RBL1: variants seen among roughly 807,000 people sequenced by gnomAD.
RBL1 encodes retinoblastoma-like protein 1.
A neutral mutation model predicts 123.0 loss-of-function variants in RBL1; 82 were observed. That is an observed-to-expected ratio of 0.67 (90% CI 0.56 to 0.80). RBL1 has a LOEUF of 0.80. RBL1 is among the 30% of genes least tolerant of loss of function. RBL1 has a pLI of 0.00. For synonymous variants in RBL1, 405 were observed against 441.3 expected, an observed-to-expected ratio of 0.92 and a Z score of 1.03; for missense variants, 1,171 against 1,299.6, an observed-to-expected ratio of 0.90 and a Z score of 1.52.
At chr20:37,045,324 T>C (rs1310539533) in intron 12 of RBL1, among the ~76,000 whole-genome samples, 1 of 151,952 alleles carries the variant, frequency 6.6e-6, no homozygotes, top group Non-Finnish European at 1.5e-5. Context: ...GCCAGGATGG[T>C]CTCAATCTCC....
chr20:37,050,316 G>A (rs1383106932), intron 11 of RBL1, among the ~76,000 whole-genome samples: 2 of 151,788 alleles, frequency 1.3e-5, no homozygotes, highest in Admixed American at 6.6e-5. Context: ...GGCCGAGACG[G>A]GCAGATCACA....
chr20:37,060,173 AAAATAAATAAAT>A (rs11473427), intron 9 of RBL1, among the ~76,000 whole-genome samples: 39 of 146,398 alleles, frequency 2.7e-4, no homozygotes, highest in Middle Eastern at 3.4e-3. Context: ...ACTCTGTCTC[AAAATAAATAAAT>A]AAATAAATAA....
chr20:37,089,151 A>C, intron 1 of RBL1, 29 bp from the exon 2 acceptor site: 1 of 1,560,112 alleles, frequency 6.4e-7, no homozygotes. Context: ...ACAGCAAAAC[A>C]GGTATAATAT....
In RBL1 at chr20:37,008,959, T is replaced by C. The variant is rs1315268966; in HGVS notation, c.2723-1400A>G. Among the ~76,000 whole-genome samples, 4 of 152,184 alleles carry C rather than the reference T, an allele frequency of 2.6e-5. No individual in the cohort carries two copies. The East Asian group carries it at 7.7e-4, about 29-fold the overall frequency. Reference sequence around the variant, plus strand: ...AAGTACTGCAGTTGGGGAAAAAAAATAACTCTCATGTTCACTTTAATTCCA... The same window carrying C: ...AAGTACTGCAGTTGGGGAAAAAAAACAACTCTCATGTTCACTTTAATTCCA... On this transcript the variant is annotated intron_variant, in intron 19 of 21. Coordinates refer to ENST00000373664, the MANE Select transcript of RBL1 (RefSeq NM_002895.5).
intron 19 of RBL1, among the ~76,000 whole-genome samples, chr20:37,011,963 T>C (rs1475665439): frequency 6.6e-6 from 1 of 152,228 alleles, no homozygotes; most frequent in African/African-American, 2.4e-5. Flanking sequence ...CTCGGCTCAC[T>C]GCAACCTCCC....
At position 37,067,132 on chromosome 20, in the gene RBL1, G is replaced by GCAA; in HGVS notation, c.557-12_557-11insTTG. 7.0e-7 allele frequency: 1 copy of GCAA among 1,424,330 alleles called. No individual in the cohort carries two copies. Among genetic ancestry groups the GCAA allele is most frequent in the Non-Finnish European group, 9.4e-7 (1 of 1,067,790 alleles). The allele number at this position is 1,424,330 out of a possible 1,614,324, so 88.2% of individuals were successfully genotyped here. On this transcript the variant is annotated splice_polypyrimidine_tract_variant and intron_variant, in intron 4 of 21. Coordinates refer to ENST00000373664, the MANE Select transcript of RBL1 (RefSeq NM_002895.5). The stretch of plus-strand genomic sequence containing the variant: ...TCATCCGAAAATTACCTTTATAAGG[G>GCAA]AAAAAAAAAAAAAAAAGACACAAAA...
chr20:37,029,127 A>G (rs899046506), intron 16 of RBL1, among the ~76,000 whole-genome samples: 2 of 152,242 alleles, frequency 1.3e-5, no homozygotes, highest in African/African-American at 2.4e-5. Context: ...CAAGTGATAC[A>G]GGAAAGCATT....
intron 2 of RBL1, among the ~76,000 whole-genome samples, chr20:37,082,562 C>A (rs2065469981): frequency 6.6e-6 from 1 of 152,048 alleles, no homozygotes. Flanking sequence ...ATTCAACCAA[C>A]CACACATCAA....
intron 19 of RBL1, among the ~76,000 whole-genome samples, chr20:37,016,024 T>TG (rs1367742457): frequency 7.0e-6 from 1 of 143,716 alleles, no homozygotes; most frequent in Non-Finnish European, 1.5e-5. Flanking sequence ...CCCAGCGGTT[T>TG]TTTTTTTTTT....
At position 36,998,927 on chromosome 20, in the gene RBL1, ACT is replaced by A. The variant is rs780079808; in HGVS notation, c.3037_3038del (p.Ser1013PhefsTer12). Reference protein sequence around the residue: ...LYKFNGSPSKSLKDINNMIRQ... With the variant: ...LYKFNGSPSKXLKDINNMIRQ... ...TTATCATGTTGTTGATATCTTTCAA[ACT>A]CTGTGCAGAAATAGAGAACGTGTGT... On this transcript the variant is annotated frameshift_variant and splice_region_variant, in exon 22 of 22. Coordinates refer to ENST00000373664, the MANE Select transcript of RBL1 (RefSeq NM_002895.5). LOFTEE classifies it high-confidence loss of function. 21 of 1,610,434 alleles carry A rather than the reference ACT, an allele frequency of 1.3e-5. No individual in the cohort carries two copies. The highest frequency in any genetic ancestry group is 2.2e-5 in the East Asian group (1 of 44,856).
intron 1 of RBL1, among the ~76,000 whole-genome samples, chr20:37,095,298 A>G (rs1374983014): frequency 6.6e-6 from 1 of 152,014 alleles, no homozygotes; most frequent in Non-Finnish European, 1.5e-5. Context: ...CTCCATCTCT[A>G]ACCGTGTGAC....
At chr20:37,000,755 G>A (rs1309999480) in intron 21 of RBL1, among the ~76,000 whole-genome samples, 12 of 124,332 alleles carry the variant, frequency 9.7e-5, no homozygotes, top group East Asian at 2.7e-4. Context: ...CAGCCGCCCC[G>A]TCCAGGAGGG....
intron 16 of RBL1, among the ~76,000 whole-genome samples, chr20:37,026,619 G>C (rs566604749): frequency 6.6e-6 from 1 of 151,248 alleles, no homozygotes; most frequent in Non-Finnish European, 1.5e-5. Flanking sequence ...CAGGAGAATT[G>C]CTTGAACCCG....
In RBL1 at chr20:37,005,666, A is replaced by G. The variant is rs2064058196; in HGVS notation, c.2871+1745T>C. 2.0e-5 allele frequency among the ~76,000 whole-genome samples: 3 copies of G among 152,192 alleles called. No homozygotes were observed. The South Asian group carries it at 6.2e-4, about 31-fold the overall frequency. ...GATTTCATTTTTAATATCCTGTATA[A>G]TGGAAATAAATTAAGATGGTAGAGA... On this transcript the variant is annotated intron_variant, in intron 20 of 21. Coordinates refer to ENST00000373664, the MANE Select transcript of RBL1 (RefSeq NM_002895.5).
chr20:37,074,613 G>A (rs927721718), intron 2 of RBL1, among the ~76,000 whole-genome samples: 15 of 152,052 alleles, frequency 9.9e-5, no homozygotes, highest in African/African-American at 3.6e-4. Flanking sequence ...ACTCCTGGTG[G>A]GGACGTAAAC....
intron 20 of RBL1, among the ~76,000 whole-genome samples, chr20:37,005,241 T>C (rs962751238): frequency 2.0e-5 from 3 of 151,872 alleles, no homozygotes; most frequent in Non-Finnish European, 4.4e-5. Flanking sequence ...ACTCTGTCTC[T>C]ACTAAAAATA....
intron 16 of RBL1, among the ~76,000 whole-genome samples, chr20:37,027,910 A>G (rs1178805098): frequency 6.6e-6 from 1 of 152,096 alleles, no homozygotes. Flanking sequence ...ATGGGCCACT[A>G]TGCTGGCTAA....
chr20:37,043,815 T>C (rs1056635665), intron 13 of RBL1, among the ~76,000 whole-genome samples: 1 of 152,166 alleles, frequency 6.6e-6, no homozygotes, highest in Non-Finnish European at 1.5e-5. Context: ...GGCAAATTTA[T>C]GGAGACAGAA....
intron 16 of RBL1, among the ~76,000 whole-genome samples, chr20:37,027,137 G>T (rs548842507): frequency 6.6e-6 from 1 of 152,038 alleles, no homozygotes; most frequent in Middle Eastern, 3.4e-3. Flanking sequence ...CTTGAGCCCA[G>T]GAGTTCAAGA....
Sources: gnomAD v4.1 joint callset for allele counts (sites outside exome capture counted in the v4.1 genomes callset) on GRCh38, gnomAD v4.1.1 for gene constraint, MANE v1.5 for transcripts, NCBI Gene and HGNC (gene_info 2026-07-23, HGNC 2026-07-21) for gene names.